The following DAB1 variants were observed in gnomAD, a reference collection of about 807,000 sequenced individuals.
DAB1 encodes DAB adaptor protein 1, also known as disabled homolog 1.
In DAB1, 15 loss-of-function variants were observed where a neutral mutation model predicts 64.6. The ratio of observed to expected loss-of-function variants is 0.23; its 90% CI spans 0.16 to 0.36. DAB1 has a LOEUF of 0.36. Among genes scored for constraint, DAB1 ranks in the 10% least tolerant of loss-of-function variants. DAB1 has a pLI of 1.00. For synonymous variants in DAB1, 235 were observed against 251.9 expected (o/e 0.93, Z 0.64); for missense variants, 596 against 706.7 (o/e 0.84, Z 1.78).
In DAB1 at chr1:57,549,186, G is replaced by A. The variant is rs572029071; in HGVS notation, n.625+100406C>T. Among the ~76,000 whole-genome samples, 3 of 152,250 alleles carry A rather than the reference G, an allele frequency of 2.0e-5. No individual in the cohort carries two copies. In the South Asian group the frequency reaches 6.2e-4, roughly 32 times the overall value. ...TCTACATCACTTTTCTCAGATCACT[G>A]TAATAGCAGTGATCACCAACTCTAA... On this transcript the variant is annotated intron_variant and non_coding_transcript_variant, in intron 7 of 20. Transcript: ENST00000485760.
intron 4 of DAB1, among the ~76,000 whole-genome samples, chr1:58,322,790 C>T (rs1055413463): frequency 3.9e-5 from 6 of 152,100 alleles, no homozygotes; most frequent in African/African-American, 7.2e-5. Context: ...CACATGTACA[C>T]GTATGTTTAT....
rs372058506 is a variant in DAB1 at position 57,071,588 on chromosome 1, C to A, written c.492G>T (p.Leu164Phe). Residue 164 changes from leucine to phenylalanine, a missense_variant, in exon 6 of 15, where the codon TTG becomes TTT. Coordinates refer to ENST00000371236, the MANE Select transcript of DAB1 (RefSeq NM_001365792.1). ...TTTTTTCTAATTCTTCTCTTTGCTT[C>A]AATTCATAAATGAGTTGAAAGAGAT... is the stretch of plus-strand genomic sequence containing the variant. ...LRDLFQLIYE[L>F]KQREELEKKA... The A allele has an allele frequency of 2.5e-6, 4 of 1,613,818 alleles. No homozygotes were observed. Among genetic ancestry groups the A allele is most frequent in the East Asian group, 4.5e-5 (2 of 44,846 alleles).
At chr1:57,999,979 G>GGA (rs1646482000) in intron 5 of DAB1, among the ~76,000 whole-genome samples, 1 of 151,102 alleles carries the variant, frequency 6.6e-6, no homozygotes, top group Non-Finnish European at 1.5e-5. Context: ...TGGGGAGGAG[G>GGA]GAGAGAGAAA....
chr1:57,945,202 A>G (rs1301992924), intron 5 of DAB1, among the ~76,000 whole-genome samples: 1 of 152,160 alleles, frequency 6.6e-6, no homozygotes, highest in Non-Finnish European at 1.5e-5. Context: ...GCCACATTCC[A>G]ATCATGCTCT....
chr1:57,721,461 A>T (rs77934961), intron 6 of DAB1, among the ~76,000 whole-genome samples: 1,934 of 152,334 alleles, frequency 0.013, 45 homozygotes, highest in African/African-American at 0.044. Flanking sequence ...CACTTTAAAA[A>T]TATTAACTCA....
At chr1:57,211,066 A>T (rs1665963338) in intron 2 of DAB1, among the ~76,000 whole-genome samples, 1 of 152,264 alleles carries the variant, frequency 6.6e-6, no homozygotes, top group Admixed American at 6.5e-5. Flanking sequence ...AATATGACAC[A>T]GCTCAGTGTG....
intron 7 of DAB1, among the ~76,000 whole-genome samples, chr1:57,486,297 C>T (rs1644090952): frequency 6.6e-6 from 1 of 152,146 alleles, no homozygotes; most frequent in African/African-American, 2.4e-5. Context: ...ATTAAAATTG[C>T]CTCACCAGTC....
intron 4 of DAB1, among the ~76,000 whole-genome samples, chr1:58,268,955 C>T (rs1340906233): frequency 6.6e-6 from 1 of 152,016 alleles, no homozygotes; most frequent in East Asian, 1.9e-4. Context: ...AGAAATAAAC[C>T]TTCACATATA....
At chr1:58,402,837 T>C (rs1319000328) in intron 3 of DAB1, among the ~76,000 whole-genome samples, 3 of 152,136 alleles carry the variant, frequency 2.0e-5, no homozygotes, top group African/African-American at 7.2e-5. Context: ...AACAACGAAA[T>C]AATTATGGTT....
intron 7 of DAB1, among the ~76,000 whole-genome samples, chr1:57,465,742 G>C (rs1166352198): frequency 6.6e-6 from 1 of 152,142 alleles, no homozygotes; most frequent in Non-Finnish European, 1.5e-5. Context: ...AGCTTAATCT[G>C]TATGTATGAA....
At chr1:58,003,309 G>T (rs1011581542) in intron 5 of DAB1, among the ~76,000 whole-genome samples, 1 of 152,130 alleles carries the variant, frequency 6.6e-6, no homozygotes, top group African/African-American at 2.4e-5. Context: ...GAAGAAACCC[G>T]ATTTTGATGG....
At chr1:57,960,493 T>TA (rs34447871) in intron 5 of DAB1, among the ~76,000 whole-genome samples, 61,996 of 139,438 alleles carry the variant, frequency 0.44, 13,731 homozygotes, top group Admixed American at 0.53. Flanking sequence ...GGAACCAAAT[T>TA]AAAAAAAAAA....
rs369186290 is a variant in DAB1 at position 57,543,931 on chromosome 1, A to T, written n.625+105661T>A. The stretch of plus-strand genomic sequence containing the variant: ...AAACCAGCCTGGGCAACATAGCAAG[A>T]CCCCATCTCTACAAAAAAAATTAAA... On this transcript the variant is annotated intron_variant and non_coding_transcript_variant, in intron 7 of 20. Coordinates refer to the DAB1 transcript ENST00000485760. Among the ~76,000 whole-genome samples the T allele has an allele frequency of 1.4e-3, 209 of 152,212 alleles. 1 individual carries two copies. Among genetic ancestry groups the T allele is most frequent in the African/African-American group, 4.7e-3 (194 of 41,524 alleles).
intron 5 of DAB1, among the ~76,000 whole-genome samples, chr1:58,014,516 T>C (rs1570227460): frequency 6.6e-6 from 1 of 152,208 alleles, no homozygotes; most frequent in Non-Finnish European, 1.5e-5. Context: ...AGATGGCAGG[T>C]GCAGATGTGG....
intron 5 of DAB1, among the ~76,000 whole-genome samples, chr1:57,902,988 G>A (rs531649344): frequency 1.4e-4 from 21 of 152,268 alleles, no homozygotes; most frequent in South Asian, 2.1e-4. Flanking sequence ...CAATCATGGC[G>A]GAAGGCAAAG....
At chr1:57,103,657 C>G (rs1654884821) in intron 4 of DAB1, among the ~76,000 whole-genome samples, 1 of 152,062 alleles carries the variant, frequency 6.6e-6, no homozygotes, top group Admixed American at 6.5e-5. Flanking sequence ...GCTTGGCCCC[C>G]CAGCACCCTG....
chr1:57,145,972 C>G (rs1242920042), intron 2 of DAB1, among the ~76,000 whole-genome samples: 1 of 152,192 alleles, frequency 6.6e-6, no homozygotes, highest in African/African-American at 2.4e-5. Context: ...TTTATGACAT[C>G]TCTTCTGGTA....
chr1:58,244,329 A>C (rs1213363957), intron 4 of DAB1, among the ~76,000 whole-genome samples: 1 of 152,180 alleles, frequency 6.6e-6, no homozygotes, highest in Non-Finnish European at 1.5e-5. Context: ...CAGGTCCCAG[A>C]ATCTTATATA....
Position 57,647,775 on chromosome 1 carries a change from C to T in DAB1, n.625+1817G>A, listed in dbSNP as rs868284855. The stretch of plus-strand genomic sequence containing the variant: ...CAGAAGATAGATATTACTTTTTCTG[C>T]TTTATAAATCATCCAACAGAGGCTG... On this transcript the variant is annotated intron_variant and non_coding_transcript_variant, in intron 7 of 20. Coordinates refer to the DAB1 transcript ENST00000485760. Among the ~76,000 whole-genome samples the T allele has an allele frequency of 2.6e-5, 4 of 152,150 alleles. No individual in the cohort carries two copies. The South Asian group carries it at 6.2e-4, about 24-fold the overall frequency.
Sources: gnomAD v4.1 joint callset for allele counts (sites outside exome capture counted in the v4.1 genomes callset) on GRCh38, gnomAD v4.1.1 for gene constraint, MANE v1.5 for transcripts, NCBI Gene and HGNC (gene_info 2026-07-23, HGNC 2026-07-21) for gene names.